The following FAM167A variants were observed in gnomAD, a reference collection of about 807,000 sequenced individuals.
FAM167A encodes the protein protein FAM167A.
FAM167A carries 23 observed loss-of-function variants against 14.9 expected under a neutral mutation model. The observed-to-expected ratio is 1.55, with a 90% CI of 1.11 to 2.19. The LOEUF (loss-of-function observed/expected upper bound fraction) is 2.19. FAM167A is among the 30% of genes most tolerant of loss of function. FAM167A has a pLI of 0.00. For missense variants in FAM167A, 401 were observed against 281.5 expected (o/e 1.42, Z -3.04); for synonymous variants, 174 against 117.7 (o/e 1.48, Z -3.10).
At chr8:11,437,805 C>T (rs146983306) in intron 2 of FAM167A, among the ~76,000 whole-genome samples, 14 of 152,236 alleles carry the variant, frequency 9.2e-5, no homozygotes, top group East Asian at 1.9e-4. Flanking sequence ...ATAGAAGAAA[C>T]GTGAATGGGA....
upstream of FAM167A, among the ~76,000 whole-genome samples, chr8:11,472,020 T>C (rs923520806): frequency 2.0e-5 from 3 of 152,238 alleles, no homozygotes; most frequent in African/African-American, 7.2e-5. Flanking sequence ...TATAAAGGCA[T>C]ATTTGTCAAG....
chr8:11,427,176 T>C (rs1199961245), intron 2 of FAM167A, among the ~76,000 whole-genome samples: 1 of 152,190 alleles, frequency 6.6e-6, no homozygotes, highest in Non-Finnish European at 1.5e-5. Flanking sequence ...TGTGGAGTCC[T>C]GAGATGTATT....
chr8:11,457,030 A>AAG (rs1563388200), intron 1 of FAM167A, among the ~76,000 whole-genome samples: 68 of 35,854 alleles, frequency 1.9e-3, no homozygotes, highest in African/African-American at 8.2e-3. Flanking sequence ...GGTTAGGGGT[A>AAG]TGGGCGGGGC....
At chr8:11,440,809 T>C (rs1050597070) in intron 2 of FAM167A, among the ~76,000 whole-genome samples, 2 of 152,214 alleles carry the variant, frequency 1.3e-5, no homozygotes, top group African/African-American at 4.8e-5. Flanking sequence ...CCTTCTGGGC[T>C]TAAAATATGA....
chr8:11,422,139 A>C lies in FAM167A; in HGVS notation c.*2234T>G. The C allele has an allele frequency of 3.7e-6, 1 of 267,184 alleles. No homozygotes were observed. Among genetic ancestry groups the C allele is most frequent in the Non-Finnish European group, 7.0e-6 (1 of 143,358 alleles). The allele number at this position is 267,184 out of a possible 1,614,324, so 16.6% of individuals were successfully genotyped here. ...CAGAGAATGAAGAAAGCAAGCAAGCACTGGGTTACCCAAGCAACTAAATCA... is the reference window on the plus strand; with the variant it reads ...CAGAGAATGAAGAAAGCAAGCAAGCCCTGGGTTACCCAAGCAACTAAATCA... On this transcript the variant is annotated 3_prime_UTR_variant, in exon 3 of 3. Transcript: ENST00000284486.
intron 1 of FAM167A, among the ~76,000 whole-genome samples, chr8:11,456,338 T>C (rs1218527546): frequency 7.0e-6 from 1 of 143,636 alleles, no homozygotes; most frequent in Non-Finnish European, 1.5e-5. Context: ...GGTGTGAGTG[T>C]GGGGTGGTTG....
intron 2 of FAM167A, among the ~76,000 whole-genome samples, chr8:11,428,296 T>G (rs543172645): frequency 6.6e-6 from 1 of 152,316 alleles, no homozygotes; most frequent in South Asian, 2.1e-4. Flanking sequence ...CTGACAGATC[T>G]GGTCAAAGGT....
chr8:11,470,902 C>G (rs1475337034), upstream of FAM167A, among the ~76,000 whole-genome samples: 1 of 152,154 alleles, frequency 6.6e-6, no homozygotes, highest in East Asian at 1.9e-4. Flanking sequence ...CCTCCCTGCT[C>G]TCATCTCTCA....
chr8:11,449,618 C>T (rs1442488243), intron 1 of FAM167A, among the ~76,000 whole-genome samples: 1 of 152,228 alleles, frequency 6.6e-6, no homozygotes, highest in Non-Finnish European at 1.5e-5. Context: ...ACATCAGACC[C>T]TGTAATCCCA....
At chr8:11,445,524 C>T (rs925605185) in intron 1 of FAM167A, 295 of 985,440 alleles carry the variant, frequency 3.0e-4, no homozygotes, top group Non-Finnish European at 3.5e-4. Context: ...ACTCATTGTT[C>T]TAGAACGAGG....
chr8:11,457,922 T>C (rs192753446), intron 1 of FAM167A, among the ~76,000 whole-genome samples: 2 of 152,316 alleles, frequency 1.3e-5, no homozygotes, highest in Non-Finnish European at 2.9e-5. Flanking sequence ...TGACCAGACA[T>C]CAGCTCCTTG....
intron 1 of FAM167A, among the ~76,000 whole-genome samples, chr8:11,448,260 G>A (rs1248086771): frequency 6.6e-6 from 1 of 151,974 alleles, no homozygotes; most frequent in Non-Finnish European, 1.5e-5. Flanking sequence ...ACCCACACGA[G>A]GGGCCCTGTG....
chr8:11,439,057 G>GCCCAGAACAAAGAGATCTGGATCCAGAA (rs1806252592), intron 2 of FAM167A, among the ~76,000 whole-genome samples: 5 of 152,210 alleles, frequency 3.3e-5, no homozygotes, highest in African/African-American at 1.2e-4. Flanking sequence ...CATCTGATGT[G>GCCCAGAACAAAGAGATCTGGATCCAGAA]CCCAGAACAA....
intron 2 of FAM167A, among the ~76,000 whole-genome samples, chr8:11,426,917 G>A (rs1285887862): frequency 2.0e-5 from 3 of 152,182 alleles, no homozygotes; most frequent in Non-Finnish European, 4.4e-5. Context: ...CGAGCAGAGG[G>A]ATGACTTTGA....
intron 2 of FAM167A, among the ~76,000 whole-genome samples, chr8:11,439,757 C>A (rs1307242232): frequency 6.6e-6 from 1 of 152,202 alleles, no homozygotes; most frequent in African/African-American, 2.4e-5. Flanking sequence ...CCTGGCACTG[C>A]ATAAACCACG....
At chr8:11,440,272 C>A (rs542406711) in intron 2 of FAM167A, among the ~76,000 whole-genome samples, 3 of 152,320 alleles carry the variant, frequency 2.0e-5, no homozygotes, top group East Asian at 3.9e-4. Flanking sequence ...AAGGTCAGGC[C>A]GTCTTAGCTG....
chr8:11,438,571 A>AT (rs1352508625), intron 2 of FAM167A: 3 of 443,058 alleles, frequency 6.8e-6, no homozygotes, highest in Non-Finnish European at 1.3e-5. Context: ...TACATGATAT[A>AT]TTCCTATTTT....
upstream of FAM167A, chr8:11,467,596 A>C (rs552559128): frequency 1.3e-5 from 2 of 152,398 alleles, no homozygotes; most frequent in Non-Finnish European, 2.9e-5. Flanking sequence ...CATTCTCACG[A>C]TAGCCCTGGG....
rs1191389356 is a variant in FAM167A, at chr8:11,423,564, C to T, written c.*809G>A. On this transcript the variant is annotated 3_prime_UTR_variant, in exon 3 of 3. Transcript: ENST00000284486. ...CAGGAGAATTCAGTTATGGAAAATG[C>T]TTTCAGGACCTGCCTGGTTCAGTCA... The T allele has an allele frequency of 3.3e-5, 5 of 152,224 alleles. No individual in the cohort carries two copies. The highest frequency in any genetic ancestry group is 1.9e-4 in the East Asian group (1 of 5,192). The allele number at this position is 152,224 out of a possible 1,614,324, so 9.4% of individuals were successfully genotyped here.
Sources: gnomAD v4.1 joint callset for allele counts (sites outside exome capture counted in the v4.1 genomes callset) on GRCh38, gnomAD v4.1.1 for gene constraint, MANE v1.5 for transcripts, NCBI Gene and HGNC (gene_info 2026-07-23, HGNC 2026-07-21) for gene names.